The following STK32B variants were observed in gnomAD, a reference collection of about 807,000 sequenced individuals.
STK32B encodes the protein serine/threonine kinase 32B, also known as serine/threonine-protein kinase 32B.
STK32B carries 43 observed loss-of-function variants against 52.6 expected under a neutral mutation model. The observed-to-expected ratio is 0.82, with a 90% confidence interval of 0.64 to 1.05. STK32B has a LOEUF of 1.05. Among genes scored for constraint, STK32B ranks in the 50% least tolerant of loss-of-function variants. STK32B has a pLI of 0.00. For missense variants in STK32B, 621 were observed against 534.6 expected (o/e 1.16, Z -1.59); for synonymous variants, 238 against 204.3 (o/e 1.17, Z -1.41).
At chr4:5,148,296 A>G (rs1360248650) in intron 2 of STK32B, among the ~76,000 whole-genome samples, 1 of 151,540 alleles carries the variant, frequency 6.6e-6, no homozygotes, top group Non-Finnish European at 1.5e-5. Context: ...TATTTTCTTC[A>G]TCAGTTTATA....
intron 5 of STK32B, among the ~76,000 whole-genome samples, chr4:5,412,067 G>T (rs1471155072): frequency 6.6e-6 from 1 of 152,202 alleles, no homozygotes; most frequent in African/African-American, 2.4e-5. Context: ...GGTTGGAAAT[G>T]AGATGAATTT....
chr4:5,275,451 A>G (rs542166489), intron 3 of STK32B, among the ~76,000 whole-genome samples: 20 of 152,170 alleles, frequency 1.3e-4, no homozygotes, highest in Admixed American at 2.6e-4. Context: ...ATGTCTGGGC[A>G]CTCTCTCACC....
intron 1 of STK32B, among the ~76,000 whole-genome samples, chr4:5,118,572 C>G (rs1266321979): frequency 6.6e-6 from 1 of 152,192 alleles, no homozygotes; most frequent in African/African-American, 2.4e-5. Flanking sequence ...CTCAGAGAGT[C>G]CTGCCCTGGC....
the STK32B span, among the ~76,000 whole-genome samples, chr4:5,031,468 A>G: frequency 6.6e-6 from 1 of 152,040 alleles, no homozygotes; most frequent in East Asian, 1.9e-4. Flanking sequence ...GTATGGTGGC[A>G]TGTGCCTGTG....
At chr4:5,223,720 G>A (rs1723683267) in intron 3 of STK32B, among the ~76,000 whole-genome samples, 1 of 151,754 alleles carries the variant, frequency 6.6e-6, no homozygotes, top group Non-Finnish European at 1.5e-5. Context: ...GGGAGGCTGA[G>A]GCAGGAGAAT....
chr4:5,366,991 T>G (rs913095815), intron 4 of STK32B, among the ~76,000 whole-genome samples: 1 of 152,156 alleles, frequency 6.6e-6, no homozygotes, highest in African/African-American at 2.4e-5. Flanking sequence ...TGTAGAAGAT[T>G]AAAATGATAG....
intron 1 of STK32B, among the ~76,000 whole-genome samples, chr4:5,119,181 C>A (rs150420272): frequency 6.6e-6 from 1 of 152,226 alleles, no homozygotes; most frequent in Non-Finnish European, 1.5e-5. Context: ...TAGCAGATCC[C>A]GCACCCTCAC....
chr4:5,445,485 C>G (rs111931602), intron 6 of STK32B, among the ~76,000 whole-genome samples: 44 of 152,072 alleles, frequency 2.9e-4, no homozygotes, highest in Non-Finnish European at 6.0e-4. Flanking sequence ...GACAATTAGA[C>G]CCTACAATGC....
At chr4:5,354,986 A>G (rs1277185467) in intron 4 of STK32B, among the ~76,000 whole-genome samples, 1 of 152,156 alleles carries the variant, frequency 6.6e-6, no homozygotes, top group East Asian at 1.9e-4. Flanking sequence ...ACACCTCTAG[A>G]ACCTGGAAGA....
At chr4:5,440,120 GT>G (rs1260885847) in intron 6 of STK32B, among the ~76,000 whole-genome samples, 2 of 152,064 alleles carry the variant, frequency 1.3e-5, no homozygotes, top group Non-Finnish European at 2.9e-5. Context: ...CTTTAAAGTA[GT>G]TTTTTCCAAT....
rs1443865685 is a variant in STK32B, at chr4:5,399,979, A to G, written c.472+1735A>G. On this transcript the variant is annotated intron_variant, in intron 5 of 11. Transcript: ENST00000282908. The surrounding 1 kb of genome is among the most constrained non-coding windows in gnomAD (Gnocchi z 5.4). Reference sequence around the variant, plus strand: ...GGGTCTGGAAGGCTGGGTTCCAGGCAGCATCCTCAAGGCTCTGTCCTATTA... The same window carrying G: ...GGGTCTGGAAGGCTGGGTTCCAGGCGGCATCCTCAAGGCTCTGTCCTATTA... Among the ~76,000 whole-genome samples, 1 of 152,228 alleles carries G rather than the reference A, an allele frequency of 6.6e-6. No homozygotes were observed. Among genetic ancestry groups the G allele is most frequent in the Non-Finnish European group, 1.5e-5 (1 of 68,040 alleles).
At chr4:5,167,772 T>A (rs1718991992) in intron 2 of STK32B, among the ~76,000 whole-genome samples, 1 of 152,190 alleles carries the variant, frequency 6.6e-6, no homozygotes, top group Non-Finnish European at 1.5e-5. Flanking sequence ...ATTCCCTGGC[T>A]TGGCTGGTCT....
At chr4:5,355,285 AG>A (rs1734096053) in intron 4 of STK32B, among the ~76,000 whole-genome samples, 1 of 152,140 alleles carries the variant, frequency 6.6e-6, no homozygotes, top group African/African-American at 2.4e-5. Context: ...ATAATATATG[AG>A]GACCTTATAT....
chr4:5,263,858 A>G (rs1483043690), intron 3 of STK32B, among the ~76,000 whole-genome samples: 1 of 152,202 alleles, frequency 6.6e-6, no homozygotes, highest in Admixed American at 6.5e-5. Context: ...CTTCCAGGAA[A>G]CCACTGTGCT....
intron 1 of STK32B, among the ~76,000 whole-genome samples, chr4:5,113,140 C>T (rs987891477): frequency 5.3e-5 from 8 of 151,984 alleles, no homozygotes; most frequent in African/African-American, 1.9e-4. Context: ...GAGGTGGGGG[C>T]CTTTGAGAGG....
At chr4:5,277,124 C>G (rs1029746562) in intron 3 of STK32B, among the ~76,000 whole-genome samples, 1 of 152,096 alleles carries the variant, frequency 6.6e-6, no homozygotes, top group African/African-American at 2.4e-5. Flanking sequence ...TTGGTTTGGG[C>G]TTTTTTCTTT....
intron 3 of STK32B, among the ~76,000 whole-genome samples, chr4:5,186,739 T>C (rs926898410): frequency 4.6e-5 from 7 of 152,170 alleles, no homozygotes; most frequent in African/African-American, 1.7e-4. Flanking sequence ...CCCATCCCCA[T>C]GGTAACACCC....
chr4:5,122,270 TCATTCACTCACC>T (rs1463338415), intron 1 of STK32B, among the ~76,000 whole-genome samples: 12 of 152,072 alleles, frequency 7.9e-5, no homozygotes, highest in Non-Finnish European at 1.2e-4. Flanking sequence ...ATTCATTCAT[TCATTCACTCACC>T]CATTCACTCA....
chr4:5,121,886 C>T (rs1577081836), intron 1 of STK32B, among the ~76,000 whole-genome samples: 1 of 152,192 alleles, frequency 6.6e-6, no homozygotes, highest in African/African-American at 2.4e-5. Flanking sequence ...CTGCCAGCCA[C>T]AAGTGAGGGG....
Sources: allele counts gnomAD v4.1 joint callset (sites outside exome capture counted in the v4.1 genomes callset), GRCh38; gene constraint gnomAD v4.1.1; non-coding constraint Gnocchi (gnomAD v3.1); transcripts MANE v1.5; gene names NCBI Gene and HGNC (gene_info 2026-07-23, HGNC 2026-07-21).